Variants in SLIT2 observed in about 807,000 individuals in gnomAD.
SLIT2 encodes slit guidance ligand 2, also known as slit homolog 2 protein.
In SLIT2, 41 loss-of-function variants were observed where a neutral mutation model predicts 185.7. The ratio of observed to expected loss-of-function variants is 0.22; its 90% CI spans 0.17 to 0.29. SLIT2 has a LOEUF of 0.29. Among genes scored for constraint, SLIT2 ranks in the 10% least tolerant of loss-of-function variants. The pLI, the probability that SLIT2 is intolerant of heterozygous loss-of-function variation, is 1.00. For missense variants in SLIT2, 1,571 were observed against 1,909.0 expected (o/e 0.82, Z 3.30); for synonymous variants, 693 against 680.2 (o/e 1.02, Z -0.29).
chr4:20,280,924 C>T (rs1379939660), intron 4 of SLIT2, among the ~76,000 whole-genome samples: 2 of 151,566 alleles, frequency 1.3e-5, no homozygotes, highest in Non-Finnish European at 2.9e-5. Flanking sequence ...CCTCCGCCTC[C>T]TGGGTTCAAG....
At chr4:20,587,879 C>G (rs1200404915) in intron 29 of SLIT2, among the ~76,000 whole-genome samples, 1 of 152,140 alleles carries the variant, frequency 6.6e-6, no homozygotes, top group East Asian at 1.9e-4. Context: ...AAAACAGTTT[C>G]TTATTTAGGC....
chr4:20,582,958 A>T (rs1194301660), intron 29 of SLIT2, among the ~76,000 whole-genome samples: 3 of 152,206 alleles, frequency 2.0e-5, no homozygotes, highest in Non-Finnish European at 4.4e-5. Flanking sequence ...GAGATAATTT[A>T]CGTGCTGGGT....
chr4:20,295,124 C>T (rs1026613739), intron 4 of SLIT2, among the ~76,000 whole-genome samples: 1 of 152,186 alleles, frequency 6.6e-6, no homozygotes, highest in Non-Finnish European at 1.5e-5. Context: ...CAGGACTTCA[C>T]TGTTGGGAAG....
At chr4:20,519,270 A>T (rs1452270363) in intron 11 of SLIT2, 112 bp from the exon 12 acceptor site, 1 of 667,346 alleles carries the variant, frequency 1.5e-6, no homozygotes, top group African/African-American at 1.8e-5. Context: ...TATAACTTTT[A>T]TGATGTATTG....
chr4:20,266,833 A>C (rs1713081207), intron 3 of SLIT2, among the ~76,000 whole-genome samples: 1 of 151,966 alleles, frequency 6.6e-6, no homozygotes. Flanking sequence ...TTTTTGTAGG[A>C]GAATCAGGGG....
At chr4:20,530,098 A>AT (rs34101661) in intron 16 of SLIT2, among the ~76,000 whole-genome samples, 3,355 of 147,964 alleles carry the variant, frequency 0.023, 95 homozygotes, top group African/African-American at 0.065. Flanking sequence ...AGTTATAGTG[A>AT]TTTTTTTTTT....
chr4:20,331,384 G>A (rs534811201), intron 4 of SLIT2, among the ~76,000 whole-genome samples: 3 of 152,056 alleles, frequency 2.0e-5, no homozygotes, highest in Non-Finnish European at 4.4e-5. Context: ...GTAAACTAGT[G>A]CAACAGTCTA....
At chr4:20,358,440 G>A (rs1274712775) in intron 4 of SLIT2, among the ~76,000 whole-genome samples, 3 of 152,054 alleles carry the variant, frequency 2.0e-5, no homozygotes, top group Admixed American at 2.0e-4. Flanking sequence ...CATCAGGCAC[G>A]CAGTCTTACT....
intron 5 of SLIT2, among the ~76,000 whole-genome samples, chr4:20,472,389 G>GATATCTATATCTATATATATAT (rs1560453761): frequency 1.1e-4 from 1 of 9,328 alleles, no homozygotes; most frequent in Non-Finnish European, 1.8e-4. Context: ...TATATATGTA[G>GATATCTATATCTATATATATAT]ATATATAGAT....
intron 12 of SLIT2, among the ~76,000 whole-genome samples, 164 bp from the exon 13 acceptor site, chr4:20,523,596 C>A (rs879614174): frequency 1.3e-5 from 2 of 152,136 alleles, no homozygotes; most frequent in Non-Finnish European, 2.9e-5. Flanking sequence ...TGTGGTAAAA[C>A]CCCACATCTC....
At chr4:20,521,121 A>G (rs1242307954) in intron 12 of SLIT2, among the ~76,000 whole-genome samples, 1 of 152,144 alleles carries the variant, frequency 6.6e-6, no homozygotes, top group Non-Finnish European at 1.5e-5. Flanking sequence ...TGCCCTATCT[A>G]CTACAAATAC....
chr4:20,540,071 G>A (rs1159717240), intron 19 of SLIT2, among the ~76,000 whole-genome samples: 10 of 151,908 alleles, frequency 6.6e-5, no homozygotes, highest in African/African-American at 2.2e-4. Context: ...CTTGATCAAG[G>A]TCAGGCGTTC....
At position 20,610,003 on chromosome 4, in the gene SLIT2, TCCG is replaced by T. The variant is rs1486956850; in HGVS notation, c.3693-9_3693-7del. On this transcript the variant is annotated splice_region_variant and splice_polypyrimidine_tract_variant and intron_variant, in intron 33 of 36. Transcript: ENST00000504154. The stretch of plus-strand genomic sequence containing the variant: ...AATGGAAGAATCAGCCATTTTTTTT[TCCG>T]TTGTAGTGTGGAGACAATCAATGAT... 1 of 1,581,586 alleles carries T rather than the reference TCCG, an allele frequency of 6.3e-7. No homozygotes were observed. Among genetic ancestry groups the T allele is most frequent in the Admixed American group, 1.9e-5 (1 of 52,640 alleles).
intron 11 of SLIT2, among the ~76,000 whole-genome samples, chr4:20,514,305 G>A (rs773340201): frequency 2.0e-5 from 3 of 152,086 alleles, no homozygotes; most frequent in Non-Finnish European, 2.9e-5. Context: ...ACTATTTAAA[G>A]GTGATATGAT....
intron 4 of SLIT2, among the ~76,000 whole-genome samples, chr4:20,429,909 A>G (rs914737178): frequency 5.9e-5 from 9 of 152,206 alleles, no homozygotes; most frequent in African/African-American, 2.2e-4. Context: ...CTGGCAGAGG[A>G]CATCAGTGGA....
intron 34 of SLIT2, among the ~76,000 whole-genome samples, chr4:20,612,930 A>AAT (rs1246865790): frequency 6.6e-6 from 1 of 151,614 alleles, no homozygotes; most frequent in African/African-American, 2.4e-5. Context: ...AAAAAAAAAA[A>AAT]AAAAAATTAT....
At chr4:20,555,306 T>A (rs1339736187) in intron 26 of SLIT2, among the ~76,000 whole-genome samples, 1 of 152,116 alleles carries the variant, frequency 6.6e-6, no homozygotes, top group East Asian at 1.9e-4. Flanking sequence ...AAAAACGTAC[T>A]TAAGTAGGTA....
intron 4 of SLIT2, chr4:20,393,345 C>G (rs1381545394): frequency 6.6e-6 from 1 of 152,094 alleles, no homozygotes; most frequent in Non-Finnish European, 1.5e-5. Flanking sequence ...TCCCATTCCC[C>G]CCAGAATCCT....
chr4:20,343,745 T>C (rs888304775), intron 4 of SLIT2, among the ~76,000 whole-genome samples: 11 of 146,632 alleles, frequency 7.5e-5, no homozygotes, highest in South Asian at 4.3e-4. Flanking sequence ...AGGCTCAAGC[T>C]ACCCTCCCTC....
Sources: gnomAD v4.1 joint callset for allele counts (sites outside exome capture counted in the v4.1 genomes callset) on GRCh38, gnomAD v4.1.1 for gene constraint, MANE v1.5 for transcripts, NCBI Gene and HGNC (gene_info 2026-07-23, HGNC 2026-07-21) for gene names.